Variants in CREM observed in about 807,000 individuals in gnomAD.
The protein encoded by CREM is cAMP responsive element modulator.
CREM carries 13 observed loss-of-function variants against 37.3 expected under a neutral mutation model. The observed-to-expected ratio is 0.35, with a 90% confidence interval of 0.23 to 0.55. CREM has a LOEUF of 0.55. Ranked by LOEUF, CREM falls within the 20% of genes least tolerant of loss-of-function variation. The probability of loss-of-function intolerance (pLI) is 0.88; values close to 1 mark genes in which losing one functional copy is unlikely to be tolerated. For synonymous variants in CREM, 124 were observed against 120.2 expected, an observed-to-expected ratio of 1.03 and a Z score of -0.21; for missense variants, 296 against 362.3, an observed-to-expected ratio of 0.82 and a Z score of 1.49.
intron 6 of CREM, chr10:35,195,869 C>G: frequency 1.7e-6 from 1 of 588,554 alleles, no homozygotes; most frequent in Non-Finnish European, 3.0e-6. Flanking sequence ...AGCTCCGAGT[C>G]ATGTTGTGAT....
intron 3 of CREM, chr10:35,158,300 A>C (rs892220338): frequency 3.2e-5 from 5 of 158,072 alleles, no homozygotes; most frequent in Non-Finnish European, 6.9e-5. Context: ...AGCTGGAACC[A>C]CTGCCATGGC....
intron 6 of CREM, among the ~76,000 whole-genome samples, chr10:35,191,351 G>C (rs1455911468): frequency 6.6e-6 from 1 of 151,926 alleles, no homozygotes; most frequent in Non-Finnish European, 1.5e-5. Context: ...TTTGTGATTC[G>C]GTCTGTGATC....
chr10:35,130,606 T>C (rs2089172845), intron 1 of CREM, among the ~76,000 whole-genome samples: 1 of 152,344 alleles, frequency 6.6e-6, no homozygotes, highest in East Asian at 1.9e-4. Context: ...GTCCTAGCTG[T>C]CCTAATGTCA....
chr10:35,179,110 T>G, intron 4 of CREM, 24 bp from the exon 5 acceptor site: 1 of 1,594,998 alleles, frequency 6.3e-7, no homozygotes, highest in Admixed American at 1.7e-5. Context: ...TCTTAGTGAC[T>G]TACCTTGTTA....
At chr10:35,127,793 G>A (rs896502807) in intron 1 of CREM, among the ~76,000 whole-genome samples, 45 of 152,306 alleles carry the variant, frequency 3.0e-4, no homozygotes, top group Non-Finnish European at 2.2e-4. Flanking sequence ...CCTTTTTAGG[G>A]CCATCTGGTA....
chr10:35,203,697 A>G (rs1454195686), intron 6 of CREM, among the ~76,000 whole-genome samples: 1 of 152,164 alleles, frequency 6.6e-6, no homozygotes, highest in Non-Finnish European at 1.5e-5. Flanking sequence ...GTCTCAAAAT[A>G]AAAATAAAAA....
intron 6 of CREM, among the ~76,000 whole-genome samples, chr10:35,203,304 C>T (rs1435061914): frequency 1.3e-5 from 2 of 152,168 alleles, no homozygotes; most frequent in Admixed American, 1.3e-4. Context: ...CCTTGGCCTT[C>T]CAAAATGCTG....
intron 6 of CREM, among the ~76,000 whole-genome samples, chr10:35,205,828 C>A (rs953238536): frequency 6.6e-6 from 1 of 152,146 alleles, no homozygotes; most frequent in Non-Finnish European, 1.5e-5. Flanking sequence ...TGTCGTGGTG[C>A]ACGCCTGTAA....
chr10:35,153,290 T>A (rs2092704672), intron 3 of CREM, among the ~76,000 whole-genome samples: 1 of 152,172 alleles, frequency 6.6e-6, no homozygotes, highest in African/African-American at 2.4e-5. Context: ...AGCACTTGCC[T>A]CATCTATCTT....
intron 6 of CREM, among the ~76,000 whole-genome samples, chr10:35,201,187 A>G (rs2095372208): frequency 6.6e-6 from 1 of 152,234 alleles, no homozygotes; most frequent in Non-Finnish European, 1.5e-5. Context: ...ATAAGGAATA[A>G]GAGCCATAAA....
intron 7 of CREM, among the ~76,000 whole-genome samples, chr10:35,210,107 G>C (rs767001372): frequency 3.3e-5 from 5 of 152,000 alleles, no homozygotes; most frequent in African/African-American, 1.2e-4. Flanking sequence ...ATGTGGTTCA[G>C]GATGCTAGCT....
intron 1 of CREM, among the ~76,000 whole-genome samples, chr10:35,134,541 A>T (rs916838628): frequency 2.0e-5 from 3 of 152,264 alleles, no homozygotes; most frequent in East Asian, 3.9e-4. Context: ...TGTTAATTTA[A>T]TACTATCTTT....
intron 2 of CREM, among the ~76,000 whole-genome samples, chr10:35,138,338 G>A (rs1219693850): frequency 2.0e-5 from 3 of 152,314 alleles, no homozygotes; most frequent in Non-Finnish European, 4.4e-5. Flanking sequence ...TTAGTTGGAT[G>A]TAGTCCTAAA....
chr10:35,207,202 C>G, intron 7 of CREM, 151 bp downstream of exon 7: 2 of 749,932 alleles, frequency 2.7e-6, no homozygotes, highest in Non-Finnish European at 2.0e-6. Context: ...ACCATCCTGG[C>G]TAACACGGTG....
intron 5 of CREM, 39 bp from the exon 6 acceptor site, chr10:35,188,161 C>A (rs762637043): frequency 6.4e-7 from 1 of 1,554,298 alleles, no homozygotes; most frequent in Non-Finnish European, 8.7e-7. Flanking sequence ...AAAAATAAAT[C>A]TTGAAATTCT....
intron 3 of CREM, among the ~76,000 whole-genome samples, chr10:35,156,250 T>C (rs1564833140): frequency 7.5e-6 from 1 of 133,156 alleles, no homozygotes. Flanking sequence ...CCTCTTTTCT[T>C]TTCTTTTTTT....
chr10:35,158,497 A>G, intron 3 of CREM: 1 of 214,994 alleles, frequency 4.7e-6, no homozygotes, highest in Non-Finnish European at 9.7e-6. Flanking sequence ...GAAGCACTGA[A>G]GTGGAGAAGG....
At chr10:35,162,433 A>G (rs2093344353) in intron 3 of CREM, among the ~76,000 whole-genome samples, 1 of 152,262 alleles carries the variant, frequency 6.6e-6, no homozygotes, top group Non-Finnish European at 1.5e-5. Context: ...CTCACCACAA[A>G]AACAACTATG....
At chr10:35,187,101 A>C (rs867380214) in intron 5 of CREM, among the ~76,000 whole-genome samples, 2,167 of 69,414 alleles carry the variant, frequency 0.031, 49 homozygotes, top group Non-Finnish European at 0.046. Flanking sequence ...AATATATATG[A>C]TATATATTAT....
Sources: gnomAD v4.1 joint callset for allele counts (sites outside exome capture counted in the v4.1 genomes callset) on GRCh38, gnomAD v4.1.1 for gene constraint, MANE v1.5 for transcripts, NCBI Gene and HGNC (gene_info 2026-07-23, HGNC 2026-07-21) for gene names.